LTBP1: variants seen among roughly 807,000 people sequenced by gnomAD.
LTBP1 encodes latent transforming growth factor beta binding protein 1, also known as latent-transforming growth factor beta-binding protein 1.
Under a neutral mutation model 207.6 loss-of-function variants are expected in LTBP1, and 129 were observed. The ratio of observed to expected loss-of-function variants is 0.62; its 90% CI spans 0.54 to 0.72. LTBP1 has a LOEUF of 0.72. Ranked by LOEUF, LTBP1 falls within the 30% of genes least tolerant of loss-of-function variation. LTBP1 has a pLI of 0.00. For missense variants in LTBP1, 2,281 were observed against 2,217.2 expected, an observed-to-expected ratio of 1.03 and a Z score of -0.58; for synonymous variants, 963 against 833.7, an observed-to-expected ratio of 1.16 and a Z score of -2.67.
chr2:33,015,297 G>A (rs1276520239), intron 2 of LTBP1, among the ~76,000 whole-genome samples: 6 of 152,190 alleles, frequency 3.9e-5, no homozygotes, highest in Non-Finnish European at 7.3e-5. Context: ...TGAAGGATTG[G>A]AGACTGCTTG....
chr2:33,021,475 G>T (rs1268220815), intron 3 of LTBP1, among the ~76,000 whole-genome samples: 1 of 152,078 alleles, frequency 6.6e-6, no homozygotes, highest in East Asian at 1.9e-4. Context: ...AGACTGGAAG[G>T]GAATGATAAA....
At chr2:33,014,807 G>A (rs920325868) in intron 2 of LTBP1, among the ~76,000 whole-genome samples, 4 of 152,134 alleles carry the variant, frequency 2.6e-5, no homozygotes, top group Admixed American at 6.5e-5. Context: ...AGTACTTGGC[G>A]CACAGATTGA....
Position 33,134,672 on chromosome 2 carries a change from CTCTT to C in LTBP1, c.1034-119_1034-116del. On this transcript the variant is annotated intron_variant, in intron 4 of 33. Coordinates refer to ENST00000404816, the MANE Select transcript of LTBP1 (RefSeq NM_206943.4). This position sits in a 1 kb window ranked among gnomAD's most constrained non-coding sequence, Gnocchi z 4.4. The stretch of plus-strand genomic sequence containing the variant: ...TTAAACCTGTCGGGTTGTGGGCTCT[CTCTT>C]TTCCCCTCTTGCTCCTTTCTTTTCT... 1 of 1,584,244 alleles carries C rather than the reference CTCTT, an allele frequency of 6.3e-7. No individual in the cohort carries two copies. Among genetic ancestry groups the C allele is most frequent in the Non-Finnish European group, 8.6e-7 (1 of 1,167,260 alleles).
In LTBP1 at chr2:33,252,722, T is replaced by C. The variant is rs1165738599; in HGVS notation, c.2045T>C (p.Leu682Pro). 3 of 1,613,808 alleles carry C rather than the reference T, an allele frequency of 1.9e-6. No individual in the cohort carries two copies. The Admixed American group carries it at 5.0e-5, about 27-fold the overall frequency. Residue 682 changes from leucine to proline, a missense_variant, in exon 11 of 34, where the codon CTT becomes CCT. Transcript: ENST00000404816. ...GAAGAGAAAGGGCCCTGTTACCGAC[T>C]TGTCAGTTCTGGAAGACAGTGTATG... Reference protein sequence around the residue: ...ISEEKGPCYRLVSSGRQCMHP... With the variant: ...ISEEKGPCYRPVSSGRQCMHP...
intron 5 of LTBP1, among the ~76,000 whole-genome samples, chr2:33,166,677 G>C (rs1382946408): frequency 6.6e-6 from 1 of 152,170 alleles, no homozygotes; most frequent in Non-Finnish European, 1.5e-5. Flanking sequence ...GATACATATT[G>C]TCTTGATTTA....
intron 3 of LTBP1, among the ~76,000 whole-genome samples, chr2:33,058,084 C>T (rs1377587677): frequency 6.6e-6 from 1 of 152,190 alleles, no homozygotes; most frequent in Non-Finnish European, 1.5e-5. Context: ...ATTACTTTGG[C>T]CTGGGATAAA....
chr2:33,370,483 AGCTGCTGCT>A (rs923763562), intron 31 of LTBP1, among the ~76,000 whole-genome samples: 1 of 152,134 alleles, frequency 6.6e-6, no homozygotes, highest in Non-Finnish European at 1.5e-5. Flanking sequence ...ATAAGTCCCA[AGCTGCTGCT>A]GCTGCTGCTG....
intron 3 of LTBP1, chr2:33,056,340 CT>C: frequency 8.2e-7 from 1 of 1,225,438 alleles, no homozygotes; most frequent in Non-Finnish European, 1.1e-6. Flanking sequence ...CATTTATTTG[CT>C]TTTGGCTTTG....
At chr2:33,071,750 G>C (rs937136439) in intron 3 of LTBP1, among the ~76,000 whole-genome samples, 4 of 152,166 alleles carry the variant, frequency 2.6e-5, no homozygotes, top group African/African-American at 9.7e-5. Flanking sequence ...TCACACGTGG[G>C]ACATGTTCAT....
At chr2:33,194,087 C>T (rs772223443) in intron 7 of LTBP1, among the ~76,000 whole-genome samples, 22 of 152,114 alleles carry the variant, frequency 1.4e-4, no homozygotes, top group Middle Eastern at 3.4e-3. Context: ...CCCGGGTTCA[C>T]GCCATTCTCC....
chr2:33,378,243 G>C (rs1374359818), intron 31 of LTBP1, among the ~76,000 whole-genome samples: 1 of 140,048 alleles, frequency 7.1e-6, no homozygotes, highest in Non-Finnish European at 1.6e-5. Flanking sequence ...TGTTTGTTTT[G>C]GAGACAGAGT....
chr2:33,347,117 C>CAAA (rs775058448), intron 25 of LTBP1, among the ~76,000 whole-genome samples: 612 of 51,848 alleles, frequency 0.012, 20 homozygotes, highest in South Asian at 0.034. Flanking sequence ...GACTCCGTCT[C>CAAA]AAAAAAAAAA....
At chr2:32,971,036 G>GTC (rs750697172) in intron 2 of LTBP1, among the ~76,000 whole-genome samples, 77 of 149,500 alleles carry the variant, frequency 5.2e-4, no homozygotes, top group African/African-American at 1.4e-3. Flanking sequence ...GTGTGTGTGT[G>GTC]TGTGTGTCTG....
chr2:33,221,522 G>C (rs936882574), intron 8 of LTBP1, among the ~76,000 whole-genome samples: 4 of 152,132 alleles, frequency 2.6e-5, no homozygotes, highest in Non-Finnish European at 4.4e-5. Context: ...TTAATTTCCT[G>C]ACTTCCTCTC....
intron 19 of LTBP1, among the ~76,000 whole-genome samples, chr2:33,281,644 C>T (rs919658884): frequency 3.9e-5 from 6 of 152,282 alleles, no homozygotes; most frequent in Admixed American, 6.5e-5. Flanking sequence ...GTAGCTGGTA[C>T]GGAGAGCTCC....
intron 24 of LTBP1, among the ~76,000 whole-genome samples, chr2:33,338,638 C>T (rs1292203903): frequency 6.6e-6 from 1 of 152,078 alleles, no homozygotes; most frequent in Non-Finnish European, 1.5e-5. Context: ...GGAGGTGCTG[C>T]AGAGGAGGTG....
chr2:33,040,521 C>G (rs1395946948), intron 3 of LTBP1, among the ~76,000 whole-genome samples: 1 of 152,200 alleles, frequency 6.6e-6, no homozygotes, highest in Non-Finnish European at 1.5e-5. Context: ...AGAACCTAAA[C>G]TCATTTCAAA....
chr2:33,228,739 C>T (rs1244966407), intron 9 of LTBP1, among the ~76,000 whole-genome samples: 10 of 88,692 alleles, frequency 1.1e-4, no homozygotes, highest in Admixed American at 4.7e-4. Context: ...CTTACTCTGT[C>T]GCCAGGCTGG....
In LTBP1 at chr2:33,134,462, C is replaced by G; in HGVS notation, c.1034-331C>G. On this transcript the variant is annotated intron_variant, in intron 4 of 33. Coordinates refer to ENST00000404816, the MANE Select transcript of LTBP1 (RefSeq NM_206943.4). The surrounding 1 kb of genome is among the most constrained non-coding windows in gnomAD (Gnocchi z 4.4). ...TTGGCTCTTTAATCTGTCGTGCCCT[C>G]GGTATTGCTCTTTGTCTGCCCGTGA... 1 of 986,590 alleles carries G rather than the reference C, an allele frequency of 1.0e-6. No individual in the cohort carries two copies. Among genetic ancestry groups the G allele is most frequent in the Non-Finnish European group, 1.5e-6 (1 of 674,476 alleles). The allele number at this position is 986,590 out of a possible 1,614,324, so 61.1% of individuals were successfully genotyped here.
Sources: allele counts gnomAD v4.1 joint callset (sites outside exome capture counted in the v4.1 genomes callset), GRCh38; gene constraint gnomAD v4.1.1; non-coding constraint Gnocchi (gnomAD v3.1); transcripts MANE v1.5; gene names NCBI Gene and HGNC (gene_info 2026-07-23, HGNC 2026-07-21).